Variants in UTS2B observed in about 807,000 individuals in gnomAD.
UTS2B encodes urotensin 2B.
Under a neutral mutation model 19.2 loss-of-function variants are expected in UTS2B, and 21 were observed. That is an observed-to-expected ratio of 1.09 (90% confidence interval 0.78 to 1.58). UTS2B has a LOEUF of 1.58. UTS2B is among the 40% of genes most tolerant of loss of function. UTS2B has a pLI of 0.00. For synonymous variants in UTS2B, 57 were observed against 50.2 expected, an observed-to-expected ratio of 1.14 and a Z score of -0.58; for missense variants, 138 against 130.3, an observed-to-expected ratio of 1.06 and a Z score of -0.29.
chr3:191,295,627 AC>A (rs1716838185), intron 4 of UTS2B, among the ~76,000 whole-genome samples: 1 of 151,972 alleles, frequency 6.6e-6, no homozygotes, highest in Admixed American at 6.5e-5. Flanking sequence ...ATCCAAAGAC[AC>A]TTTCCCACCT....
At chr3:191,300,016 T>C (rs1716953487) in intron 4 of UTS2B, among the ~76,000 whole-genome samples, 1 of 152,150 alleles carries the variant, frequency 6.6e-6, no homozygotes, top group Admixed American at 6.5e-5. Flanking sequence ...CCCCTTTCTT[T>C]TCTTTTTTTA....
At chr3:191,338,432 G>T in the UTS2B span, among the ~76,000 whole-genome samples, 8 of 152,204 alleles carry the variant, frequency 5.3e-5, no homozygotes, top group Non-Finnish European at 1.0e-4. Context: ...CTTCCCATCT[G>T]TACATCTGGA....
upstream of UTS2B, among the ~76,000 whole-genome samples, chr3:191,332,260 C>T (rs138109587): frequency 6.6e-6 from 1 of 152,038 alleles, no homozygotes; most frequent in Non-Finnish European, 1.5e-5. Context: ...TTAAGGAAGT[C>T]AAAAATATTC....
At chr3:191,338,443 G>C in the UTS2B span, among the ~76,000 whole-genome samples, 1 of 152,180 alleles carries the variant, frequency 6.6e-6, no homozygotes, top group Admixed American at 6.5e-5. Context: ...TACATCTGGA[G>C]TTTGCCTTAA....
chr3:191,330,226 G>A (rs1369206792), intron 1 of UTS2B, among the ~76,000 whole-genome samples, 188 bp downstream of exon 1: 1 of 151,878 alleles, frequency 6.6e-6, no homozygotes, highest in African/African-American at 2.4e-5. Context: ...CTTCCTCAAG[G>A]TTTAAAAGTT....
chr3:191,282,002 C>A, intron 5 of UTS2B, 85 bp downstream of exon 5: 1 of 956,952 alleles, frequency 1.0e-6, no homozygotes, highest in Non-Finnish European at 1.6e-6. Flanking sequence ...ATTATTTCAA[C>A]AATGGCAGAA....
chr3:191,303,013 G>T (rs575349598), intron 4 of UTS2B, among the ~76,000 whole-genome samples: 1 of 152,278 alleles, frequency 6.6e-6, no homozygotes, highest in South Asian at 2.1e-4. Flanking sequence ...TAACAGGAAA[G>T]GAGAAAAAAG....
chr3:191,302,423 C>T (rs1717028753), intron 4 of UTS2B, among the ~76,000 whole-genome samples: 1 of 152,212 alleles, frequency 6.6e-6, no homozygotes, highest in Non-Finnish European at 1.5e-5. Flanking sequence ...GGCTGCTCAG[C>T]CTATGGAGTA....
At chr3:191,313,338 T>C (rs1717356371) in intron 3 of UTS2B, among the ~76,000 whole-genome samples, 1 of 152,176 alleles carries the variant, frequency 6.6e-6, no homozygotes, top group Non-Finnish European at 1.5e-5. Flanking sequence ...CTCACAGTAA[T>C]GTGTGAACTC....
chr3:191,336,457 A>G, the UTS2B span, among the ~76,000 whole-genome samples: 1 of 151,872 alleles, frequency 6.6e-6, no homozygotes, highest in African/African-American at 2.4e-5. Flanking sequence ...CTGATTTGCT[A>G]TTCTTATATT....
chr3:191,311,538 C>A (rs1056054288), intron 3 of UTS2B, among the ~76,000 whole-genome samples: 2 of 152,208 alleles, frequency 1.3e-5, no homozygotes, highest in Admixed American at 1.3e-4. Flanking sequence ...TGTATTTCTG[C>A]ACGCTAACTC....
intron 3 of UTS2B, among the ~76,000 whole-genome samples, chr3:191,312,949 C>A (rs948486183): frequency 1.3e-5 from 2 of 151,812 alleles, no homozygotes; most frequent in Non-Finnish European, 2.9e-5. Context: ...TCTTTGCAGG[C>A]CACATTTTTA....
intron 3 of UTS2B, among the ~76,000 whole-genome samples, chr3:191,312,307 G>C (rs1030450659): frequency 8.5e-5 from 13 of 152,120 alleles, no homozygotes; most frequent in African/African-American, 3.1e-4. Context: ...AGGCGATGTG[G>C]AATGAGAGTC....
intron 3 of UTS2B, among the ~76,000 whole-genome samples, chr3:191,311,643 C>T (rs1380777117): frequency 6.6e-6 from 1 of 152,252 alleles, no homozygotes; most frequent in African/African-American, 2.4e-5. Flanking sequence ...AGTTCTGTAG[C>T]AGCATCTTCC....
At chr3:191,280,074 T>C (rs988130007) in intron 5 of UTS2B, among the ~76,000 whole-genome samples, 9 of 152,048 alleles carry the variant, frequency 5.9e-5, no homozygotes, top group African/African-American at 2.2e-4. Flanking sequence ...ACACAGAAAA[T>C]GTTGATTCAT....
At chr3:191,287,484 C>G (rs1261935036) in intron 4 of UTS2B, among the ~76,000 whole-genome samples, 1 of 151,884 alleles carries the variant, frequency 6.6e-6, no homozygotes, top group Non-Finnish European at 1.5e-5. Context: ...CCGAATTAAT[C>G]GAACGAAGAA....
chr3:191,296,530 A>G (rs1430681609), intron 4 of UTS2B, among the ~76,000 whole-genome samples: 1 of 152,252 alleles, frequency 6.6e-6, no homozygotes, highest in African/African-American at 2.4e-5. Flanking sequence ...GACTGTGAAC[A>G]TACGGTTACT....
chr3:191,321,668 G>A lies in UTS2B; in HGVS notation c.-585-5229C>T, dbSNP rs143781181. On this transcript the variant is annotated intron_variant, in intron 2 of 8. Coordinates refer to ENST00000340524, the MANE Select transcript of UTS2B (RefSeq NM_198152.5). ...TCAAAACTGTCTTTATGACTTCTTT[G>A]TATCTATCTGCTAATAAATGTGTAT... is the stretch of plus-strand genomic sequence containing the variant. 1.8e-3 allele frequency among the ~76,000 whole-genome samples: 269 copies of A among 152,268 alleles called. 2 individuals carry two copies. Among genetic ancestry groups the A allele is most frequent in the African/African-American group, 6.1e-3 (252 of 41,536 alleles).
intron 3 of UTS2B, among the ~76,000 whole-genome samples, chr3:191,313,725 CTT>C (rs57398216): frequency 0.027 from 2,915 of 108,668 alleles, 48 homozygotes; most frequent in African/African-American, 0.094. Context: ...CTCCACTTTC[CTT>C]TTTTTTTTTT....
Sources: allele counts gnomAD v4.1 joint callset (sites outside exome capture counted in the v4.1 genomes callset), GRCh38; gene constraint gnomAD v4.1.1; transcripts MANE v1.5; gene names NCBI Gene and HGNC (gene_info 2026-07-23, HGNC 2026-07-21).